The following TENT5D variants were observed in gnomAD, a reference collection of about 807,000 sequenced individuals.
TENT5D encodes cancer/testis antigen 112.
For synonymous variants in TENT5D, 103 were observed against 100.6 expected (o/e 1.02, Z -0.15); for missense variants, 191 against 287.0 (o/e 0.67, Z 2.42).
At chrX:80,368,144 T>A (rs888921312) in intron 3 of TENT5D, among the ~76,000 whole-genome samples, 4 of 111,727 alleles carry the variant, frequency 3.6e-5, no homozygotes. Flanking sequence ...AAAATAATTT[T>A]AAAATTACCC....
At chrX:80,345,558 T>A (rs1169266628) in intron 3 of TENT5D, among the ~76,000 whole-genome samples, 1 of 111,588 alleles carries the variant, frequency 9.0e-6, no homozygotes, top group Non-Finnish European at 1.9e-5. Flanking sequence ...TGTGATAAAG[T>A]GGGAAAGGTG....
intron 3 of TENT5D, among the ~76,000 whole-genome samples, chrX:80,414,961 A>G (rs1224999787): frequency 9.0e-6 from 1 of 111,031 alleles, no homozygotes; most frequent in Non-Finnish European, 1.9e-5. Context: ...ATTATGTCTG[A>G]TATTTTTATC....
intron 3 of TENT5D, among the ~76,000 whole-genome samples, chrX:80,364,904 T>C (rs376950941): frequency 2.9e-4 from 8 of 27,246 alleles, no homozygotes; most frequent in Admixed American, 1.4e-3. Context: ...AGATTTTTTT[T>C]CTTTTTTTTA....
intron 2 of TENT5D, among the ~76,000 whole-genome samples, chrX:80,337,577 G>T (rs765740167): frequency 1.8e-5 from 2 of 111,012 alleles, no homozygotes; most frequent in East Asian, 5.7e-4. Flanking sequence ...CATAGGTATG[G>T]CTCGCTTATT....
upstream of TENT5D, among the ~76,000 whole-genome samples, chrX:80,417,527 G>A (rs1313628573): frequency 2.8e-5 from 3 of 108,099 alleles, no homozygotes; most frequent in African/African-American, 1.0e-4. Context: ...TTTAGCATTA[G>A]CTTTTCTGAA....
chrX:80,434,195 A>G (rs1415418040), intron 1 of TENT5D, among the ~76,000 whole-genome samples: 1 of 102,381 alleles, frequency 9.8e-6, no homozygotes, highest in Admixed American at 1.1e-4. Flanking sequence ...TTTAAAAGAG[A>G]TGATCATAAA....
chrX:80,352,998 G>C (rs1212811276), intron 3 of TENT5D, among the ~76,000 whole-genome samples: 4 of 111,605 alleles, frequency 3.6e-5, no homozygotes, highest in African/African-American at 1.3e-4. Flanking sequence ...CCCTCCGTGG[G>C]CTGCACCCAC....
chrX:80,396,920 C>G (rs1469866771), intron 3 of TENT5D, among the ~76,000 whole-genome samples: 2 of 86,877 alleles, frequency 2.3e-5, no homozygotes, highest in Non-Finnish European at 4.6e-5. Context: ...CCCCACCTCC[C>G]TCCCAGACGG....
upstream of TENT5D, among the ~76,000 whole-genome samples, chrX:80,416,570 A>C (rs1931783361): frequency 9.1e-6 from 1 of 110,063 alleles, no homozygotes; most frequent in Admixed American, 9.8e-5. Flanking sequence ...ATCCAGGCAC[A>C]GGTTGAATTT....
intron 3 of TENT5D, among the ~76,000 whole-genome samples, chrX:80,362,999 C>CA (rs1275526908): frequency 9.0e-6 from 1 of 111,671 alleles, no homozygotes. Context: ...TATTGCTATA[C>CA]AAAAAAATCT....
upstream of TENT5D, among the ~76,000 whole-genome samples, chrX:80,416,388 GT>G (rs61167456): frequency 3.2e-3 from 306 of 96,426 alleles, 1 homozygote; most frequent in Middle Eastern, 0.022. Context: ...ATGTTAGTTG[GT>G]TTTTTTTTTT....
chrX:80,350,603 A>G (rs1406692916), intron 3 of TENT5D, among the ~76,000 whole-genome samples: 2 of 110,728 alleles, frequency 1.8e-5, no homozygotes, highest in African/African-American at 6.6e-5. Context: ...TCTTTATCCA[A>G]TTTGGCAGTT....
intron 3 of TENT5D, among the ~76,000 whole-genome samples, chrX:80,362,166 CT>C (rs1219337946): frequency 5.2e-4 from 55 of 105,480 alleles, no homozygotes; most frequent in Admixed American, 5.1e-4. Flanking sequence ...ATGATTTTAT[CT>C]TTTTTTTTTT....
chrX:80,342,483 A>C (rs1008919594), intron 2 of TENT5D: 1 of 112,375 alleles, frequency 8.9e-6, no homozygotes, highest in Non-Finnish European at 1.9e-5. Context: ...ATAACTTTCT[A>C]TTTCTTTTTT....
At chrX:80,434,658 A>G (rs1932149391) in intron 1 of TENT5D, among the ~76,000 whole-genome samples, 2 of 111,300 alleles carry the variant, frequency 1.8e-5, no homozygotes, top group Non-Finnish European at 3.8e-5. Flanking sequence ...AATTGACCCA[A>G]ATTGGAGCTG....
intron 3 of TENT5D, among the ~76,000 whole-genome samples, chrX:80,408,078 A>T (rs1322555842): frequency 9.1e-6 from 1 of 109,724 alleles, no homozygotes; most frequent in African/African-American, 3.3e-5. Context: ...AACATACCAG[A>T]ATCTCTGGGA....
At chrX:80,382,957 G>A (rs1440288878) in intron 3 of TENT5D, among the ~76,000 whole-genome samples, 1 of 112,041 alleles carries the variant, frequency 8.9e-6, no homozygotes, top group Non-Finnish European at 1.9e-5. Flanking sequence ...CCTGGGTGAG[G>A]GGATGCCCCA....
intron 3 of TENT5D, among the ~76,000 whole-genome samples, chrX:80,376,388 A>G (rs1930728063): frequency 1.8e-5 from 2 of 111,409 alleles, no homozygotes; most frequent in South Asian, 7.5e-4. Flanking sequence ...TTAAACACTG[A>G]TGGCTGAAAT....
At chrX:80,433,020 C>G (rs913442437) in intron 1 of TENT5D, among the ~76,000 whole-genome samples, 2 of 111,245 alleles carry the variant, frequency 1.8e-5, no homozygotes, top group Non-Finnish European at 3.8e-5. Context: ...AAGCTTGGCC[C>G]TGGGACCATC....
Sources: gnomAD v4.1 joint callset for allele counts (sites outside exome capture counted in the v4.1 genomes callset) on GRCh38, gnomAD v4.1.1 for gene constraint, MANE v1.5 for transcripts, NCBI Gene and HGNC (gene_info 2026-07-23, HGNC 2026-07-21) for gene names.